Variants in ASB3 observed in about 807,000 individuals in gnomAD.
ASB3 encodes ankyrin repeat and SOCS box containing 3.
Under a neutral mutation model 54.5 loss-of-function variants are expected in ASB3, and 41 were observed. The observed-to-expected ratio is 0.75, with a 90% CI of 0.59 to 0.98. The LOEUF (loss-of-function observed/expected upper bound fraction) is 0.98, where lower values mean the gene tolerates loss of function less well. Ranked by LOEUF, ASB3 falls within the 50% of genes least tolerant of loss-of-function variation. The pLI is 0.00. For synonymous variants in ASB3, 266 were observed against 221.2 expected (o/e 1.20, Z -1.80); for missense variants, 733 against 620.0 (o/e 1.18, Z -1.94).
chr2:53,767,513 G>T (rs959860510), intron 1 of ASB3: 34 of 177,648 alleles, frequency 1.9e-4, no homozygotes, highest in African/African-American at 8.0e-4. Context: ...CTCCTTCCTC[G>T]GCCCCGTTAG....
At chr2:53,767,013 A>G (rs1370036007) in intron 1 of ASB3, among the ~76,000 whole-genome samples, 1 of 152,192 alleles carries the variant, frequency 6.6e-6, no homozygotes, top group East Asian at 1.9e-4. Context: ...AGCTCTAATG[A>G]GCAGATCTTC....
intron 2 of ASB3, among the ~76,000 whole-genome samples, chr2:53,762,667 A>G (rs925807711): frequency 1.3e-5 from 2 of 152,210 alleles, no homozygotes; most frequent in Non-Finnish European, 2.9e-5. Flanking sequence ...ATTGTCAGTG[A>G]AGATCATTAC....
At chr2:53,773,589 C>T (rs1674100226) in intron 1 of ASB3, among the ~76,000 whole-genome samples, 1 of 151,998 alleles carries the variant, frequency 6.6e-6, no homozygotes, top group Admixed American at 6.5e-5. Flanking sequence ...TGCCACTGTG[C>T]CTGACTAATT....
At chr2:53,783,238 A>T (rs1450088663) in intron 1 of ASB3, among the ~76,000 whole-genome samples, 1 of 152,242 alleles carries the variant, frequency 6.6e-6, no homozygotes, top group African/African-American at 2.4e-5. Context: ...CATCCATTAA[A>T]AATAACTAGA....
At chr2:53,706,168 C>T (rs1236350537) in intron 7 of ASB3, among the ~76,000 whole-genome samples, 1 of 152,012 alleles carries the variant, frequency 6.6e-6, no homozygotes, top group Non-Finnish European at 1.5e-5. Flanking sequence ...AGTGAAATAC[C>T]CAAAGTCACA....
At chr2:53,725,559 T>C (rs1266799379) in intron 5 of ASB3, among the ~76,000 whole-genome samples, 1 of 152,238 alleles carries the variant, frequency 6.6e-6, no homozygotes, top group Admixed American at 6.5e-5. Context: ...AAAATAGCAG[T>C]CATCTCCAAA....
intron 8 of ASB3, 135 bp downstream of exon 8, chr2:53,700,136 C>T: frequency 7.3e-7 from 1 of 1,375,480 alleles, no homozygotes; most frequent in Non-Finnish European, 9.8e-7. Flanking sequence ...CAGCCACCAA[C>T]TCCTTCACCC....
At chr2:53,674,797 G>C (rs1460822803) in intron 9 of ASB3, among the ~76,000 whole-genome samples, 1 of 151,754 alleles carries the variant, frequency 6.6e-6, no homozygotes, top group Non-Finnish European at 1.5e-5. Flanking sequence ...TAATTTACTT[G>C]TGTTGTCTCT....
At chr2:53,671,487 C>T (rs1409665927) in intron 9 of ASB3, among the ~76,000 whole-genome samples, 2 of 151,980 alleles carry the variant, frequency 1.3e-5, no homozygotes, top group African/African-American at 4.8e-5. Flanking sequence ...AGGCCAGGCG[C>T]GGTGGCTCAT....
chr2:53,702,335 A>G (rs1018555939), intron 7 of ASB3, among the ~76,000 whole-genome samples: 2 of 152,202 alleles, frequency 1.3e-5, no homozygotes, highest in East Asian at 3.8e-4. Flanking sequence ...AGAAGGTCTC[A>G]AATACATGTG....
chr2:53,766,567 C>T (rs1480579451), intron 1 of ASB3, among the ~76,000 whole-genome samples: 1 of 152,044 alleles, frequency 6.6e-6, no homozygotes, highest in Non-Finnish European at 1.5e-5. Context: ...TGTCATAACA[C>T]AAGCAACTTC....
intron 9 of ASB3, among the ~76,000 whole-genome samples, chr2:53,681,527 A>AT (rs1668371909): frequency 1.3e-5 from 2 of 152,012 alleles, no homozygotes; most frequent in South Asian, 4.1e-4. Flanking sequence ...TTTTTATTTG[A>AT]TTTTTGTATA....
At chr2:53,742,139 T>A (rs1671965203) in intron 3 of ASB3, among the ~76,000 whole-genome samples, 1 of 152,236 alleles carries the variant, frequency 6.6e-6, no homozygotes, top group Non-Finnish European at 1.5e-5. Context: ...CAAAGTGGTC[T>A]ATCTCTGCTA....
Position 53,700,448 on chromosome 2 carries a change from T to C in ASB3, c.1061A>G (p.Lys354Arg). The C allele has an allele frequency of 6.2e-7, 1 of 1,614,138 alleles. No individual in the cohort carries two copies. The highest frequency in any genetic ancestry group is 1.1e-5 in the South Asian group (1 of 91,088). Residue 354 changes from lysine (K) to arginine (R), a missense_variant, in exon 8 of 10, where the codon AAG (lysine) becomes AGG (arginine). Physicochemically the swap from Lys to Arg is conservative, Grantham distance 26 (BLOSUM62 2). Coordinates refer to ENST00000263634, the MANE Select transcript of ASB3 (RefSeq NM_016115.5). ...GCGAAATATCGAAAACTTCTCGTAC[T>C]TCAGGCAGTATGCCAAATGAAGTTC... is the stretch of plus-strand genomic sequence containing the variant. ...INELHLAYCLKYEKFSIFRYF... is the reference protein window; with the variant it reads ...INELHLAYCLRYEKFSIFRYF...
At chr2:53,767,762 C>A in intron 1 of ASB3, 1 of 1,154,986 alleles carries the variant, frequency 8.7e-7, no homozygotes, top group Non-Finnish European at 1.2e-6. Flanking sequence ...GTGCGCTTTG[C>A]GCCCCAAGTG....
At chr2:53,763,843 A>G (rs1458395043) in intron 2 of ASB3, among the ~76,000 whole-genome samples, 1 of 152,250 alleles carries the variant, frequency 6.6e-6, no homozygotes, top group Non-Finnish European at 1.5e-5. Context: ...ACAGATTCTG[A>G]AAACATATCT....
At position 53,701,296 on chromosome 2, in the gene ASB3, T is replaced by A. The variant is rs565552133; in HGVS notation, c.981-768A>T. Among the ~76,000 whole-genome samples the A allele has an allele frequency of 2.5e-3, 377 of 152,302 alleles. 4 individuals are homozygous for A. Among genetic ancestry groups the A allele is most frequent in the African/African-American group, 8.9e-3 (368 of 41,578 alleles). ...ATGGTATTAAAAAAAATTTAAAAACTTTTTTAATTAACACAAATTTAATTT... is the reference window on the plus strand; with the variant it reads ...ATGGTATTAAAAAAAATTTAAAAACATTTTTAATTAACACAAATTTAATTT... On this transcript the variant is annotated intron_variant, in intron 7 of 9. Transcript: ENST00000263634.
At chr2:53,740,952 C>T (rs1344823770) in intron 3 of ASB3, among the ~76,000 whole-genome samples, 1 of 152,158 alleles carries the variant, frequency 6.6e-6, no homozygotes, top group African/African-American at 2.4e-5. Context: ...ATAACACATC[C>T]CTAAACTTAC....
At chr2:53,728,576 T>C in intron 5 of ASB3, 136 bp downstream of exon 5, 25 of 1,170,598 alleles carry the variant, frequency 2.1e-5, no homozygotes, top group Non-Finnish European at 2.8e-5. Context: ...TCAATTTGTA[T>C]TTACTCTTAT....
Sources: gnomAD v4.1 joint callset for allele counts (sites outside exome capture counted in the v4.1 genomes callset) on GRCh38, gnomAD v4.1.1 for gene constraint, MANE v1.5 for transcripts, NCBI Gene and HGNC (gene_info 2026-07-23, HGNC 2026-07-21) for gene names.